Variants in CCDC122 observed in about 807,000 individuals in gnomAD.
CCDC122 encodes coiled-coil domain-containing protein 122.
Under a neutral mutation model 37.0 loss-of-function variants are expected in CCDC122, and 38 were observed. The observed-to-expected ratio is 1.03, with a 90% confidence interval of 0.79 to 1.35. The LOEUF is 1.35. Among genes scored for constraint, CCDC122 ranks in the 40% most tolerant of loss-of-function variants. CCDC122 has a pLI of 0.00. For synonymous variants in CCDC122, 83 were observed against 95.6 expected (o/e 0.87, Z 0.77); for missense variants, 305 against 310.0 (o/e 0.98, Z 0.12).
intron 4 of CCDC122, among the ~76,000 whole-genome samples, chr13:43,862,968 C>T (rs9567289): frequency 0.38 from 57,066 of 151,756 alleles, 10,995 homozygotes; most frequent in East Asian, 0.53. Context: ...CTCTTTTCCT[C>T]CCTCTTCCTC....
chr13:43,863,217 G>A (rs1202908049), intron 4 of CCDC122, among the ~76,000 whole-genome samples: 1 of 151,874 alleles, frequency 6.6e-6, no homozygotes, highest in Admixed American at 6.6e-5. Context: ...CCACTGATCT[G>A]CCTTCCTTCT....
intron 6 of CCDC122, among the ~76,000 whole-genome samples, chr13:43,841,353 C>T (rs1953344121): frequency 6.6e-6 from 1 of 152,182 alleles, no homozygotes; most frequent in Non-Finnish European, 1.5e-5. Context: ...ATAATCTCCC[C>T]AGTAGTGCAT....
chr13:43,845,855 G>A (rs1953509243), intron 6 of CCDC122, among the ~76,000 whole-genome samples: 1 of 152,030 alleles, frequency 6.6e-6, no homozygotes. Flanking sequence ...CATTTGGTTG[G>A]TTTATGTGAT....
Position 43,859,773 on chromosome 13 carries a change from G to C in CCDC122, c.454C>G (p.Leu152Val). 2 of 1,604,506 alleles carry C rather than the reference G, an allele frequency of 1.2e-6. No homozygotes were observed. Among genetic ancestry groups the C allele is most frequent in the Non-Finnish European group, 1.7e-6 (2 of 1,177,082 alleles). The part of the protein sequence containing the change: ...VESKWSFMTE[L>V]HEKRDFVKKL... ...TTAACAAAATCTCGCTTTTCATGGA[G>C]TTCAGTCATAAATGACCATTTGCTC... The change falls in exon 5 of 7, where the codon CTC becomes GTC. Residue 152 changes from leucine (L) to valine (V), a missense_variant. Coordinates refer to ENST00000444614, the MANE Select transcript of CCDC122 (RefSeq NM_144974.5).
chr13:43,873,404 CAT>C (rs1954506962), intron 2 of CCDC122, among the ~76,000 whole-genome samples: 1 of 152,192 alleles, frequency 6.6e-6, no homozygotes, highest in African/African-American at 2.4e-5. Context: ...CCTGCACCTT[CAT>C]AGTCTTCTCT....
intron 6 of CCDC122, chr13:43,855,756 TTGG>T (rs937791758): frequency 2.6e-5 from 4 of 152,170 alleles, no homozygotes; most frequent in African/African-American, 9.6e-5. Flanking sequence ...TTATACACTG[TTGG>T]TGGGAGTGTA....
intron 6 of CCDC122, among the ~76,000 whole-genome samples, chr13:43,851,798 A>G (rs1370281388): frequency 6.6e-6 from 1 of 152,124 alleles, no homozygotes; most frequent in Admixed American, 6.6e-5. Context: ...AGAGAACAAA[A>G]CTGGGGCCTG....
intron 6 of CCDC122, chr13:43,858,055 T>A (rs1953981633): frequency 6.6e-6 from 1 of 152,094 alleles, no homozygotes; most frequent in South Asian, 2.1e-4. Flanking sequence ...AAAGGTAAAA[T>A]CGTGATATTT....
At chr13:43,844,698 T>A (rs779215229) in intron 6 of CCDC122, among the ~76,000 whole-genome samples, 93 of 152,128 alleles carry the variant, frequency 6.1e-4, no homozygotes, top group Admixed American at 3.9e-4. Context: ...GAATTGTTAT[T>A]CCTTCTTGGT....
At chr13:43,826,855 T>TTCATAA (rs1209944283) in intron 3 of CCDC122, among the ~76,000 whole-genome samples, 3 of 152,118 alleles carry the variant, frequency 2.0e-5, no homozygotes, top group Non-Finnish European at 4.4e-5. Context: ...ATAGTTAAAT[T>TTCATAA]TCATAATCAT....
At chr13:43,859,521 C>A in intron 5 of CCDC122, 151 bp downstream of exon 5, 27 of 531,796 alleles carry the variant, frequency 5.1e-5, no homozygotes, top group East Asian at 1.8e-4. Flanking sequence ...TGTACTTATT[C>A]CAAGTTTTTT....
downstream of CCDC122, among the ~76,000 whole-genome samples, chr13:43,819,607 C>G (rs746028763): frequency 1.3e-5 from 2 of 151,978 alleles, no homozygotes; most frequent in African/African-American, 2.4e-5. Flanking sequence ...GCCTATACTA[C>G]GCTACTTTTT....
intron 3 of CCDC122, among the ~76,000 whole-genome samples, chr13:43,824,245 T>C (rs1373307485): frequency 6.6e-6 from 1 of 152,186 alleles, no homozygotes; most frequent in Non-Finnish European, 1.5e-5. Context: ...AATAAGACTA[T>C]ATCTTTAGTA....
chr13:43,852,851 G>A (rs901314337), intron 6 of CCDC122, among the ~76,000 whole-genome samples: 3 of 151,896 alleles, frequency 2.0e-5, no homozygotes, highest in African/African-American at 7.3e-5. Context: ...TTACAGAAAA[G>A]AAATTCCAAC....
At chr13:43,831,495 T>A (rs1276939220), downstream of CCDC122, among the ~76,000 whole-genome samples, 2 of 152,226 alleles carry the variant, frequency 1.3e-5, no homozygotes, top group East Asian at 3.8e-4. Context: ...ATTACATATG[T>A]CTATTTCATG....
intron 4 of CCDC122, among the ~76,000 whole-genome samples, chr13:43,866,158 A>G (rs1418087097): frequency 6.6e-6 from 1 of 152,192 alleles, no homozygotes; most frequent in Non-Finnish European, 1.5e-5. Context: ...AATGACTTGC[A>G]ATTTTAAATT....
rs1352114541 is a variant in CCDC122, at chr13:43,869,445, T to A, written c.-69A>T. On this transcript the variant is annotated 5_prime_UTR_variant, in exon 3 of 7. Coordinates refer to ENST00000444614, the MANE Select transcript of CCDC122 (RefSeq NM_144974.5). ...TTTACTCCTACTCAATAATCTATAT[T>A]GATAATCTTTCACTTTTGTTTTTTC... 22 of 1,279,964 alleles carry A rather than the reference T, an allele frequency of 1.7e-5. No homozygotes were observed. The highest frequency in any genetic ancestry group is 2.4e-5 in the Non-Finnish European group (22 of 907,780). 79.3% of individuals were successfully genotyped at this position (1,279,964 alleles called of 1,614,324 possible).
intron 4 of CCDC122, among the ~76,000 whole-genome samples, chr13:43,861,027 A>C (rs1366025033): frequency 6.6e-6 from 1 of 152,244 alleles, no homozygotes; most frequent in African/African-American, 2.4e-5. Context: ...TAGGTAGTTC[A>C]TAAGCCTGGG....
chr13:43,855,647 G>C (rs1481360444), intron 6 of CCDC122: 1 of 151,132 alleles, frequency 6.6e-6, no homozygotes, highest in East Asian at 1.9e-4. Context: ...ACCACAAGGA[G>C]ATACCATCAT....
Sources: gnomAD v4.1 joint callset for allele counts (sites outside exome capture counted in the v4.1 genomes callset) on GRCh38, gnomAD v4.1.1 for gene constraint, MANE v1.5 for transcripts, NCBI Gene and HGNC (gene_info 2026-07-23, HGNC 2026-07-21) for gene names.